Variants in FARS2 observed in about 807,000 individuals in gnomAD.
FARS2 encodes phenylalanyl-tRNA synthetase 2, mitochondrial, also known as phenylalanine--tRNA ligase, mitochondrial.
A neutral mutation model predicts 46.4 loss-of-function variants in FARS2; 40 were observed. The observed-to-expected ratio is 0.86, with a 90% CI of 0.67 to 1.12. The LOEUF (loss-of-function observed/expected upper bound fraction) is 1.12, where lower values mean the gene tolerates loss of function less well. FARS2 is among the 50% of genes most tolerant of loss of function. The probability of loss-of-function intolerance (pLI) is 0.00; values close to 1 mark genes in which losing one functional copy is unlikely to be tolerated. For missense variants in FARS2, 513 were observed against 567.9 expected (o/e 0.90, Z 0.98); for synonymous variants, 234 against 214.9 (o/e 1.09, Z -0.78).
intron 6 of FARS2, among the ~76,000 whole-genome samples, chr6:5,692,465 C>G (rs1015160334): frequency 2.0e-5 from 3 of 152,128 alleles, no homozygotes; most frequent in Admixed American, 6.5e-5. Flanking sequence ...CTTTCCCGTC[C>G]ATCAAAACAT....
chr6:5,415,011 G>A (rs528952198), intron 3 of FARS2, among the ~76,000 whole-genome samples: 1 of 151,676 alleles, frequency 6.6e-6, no homozygotes, highest in South Asian at 2.1e-4. Context: ...TAGAGACCGG[G>A]TTTCACCAAC....
chr6:5,614,344 A>G (rs79688585), intron 6 of FARS2, among the ~76,000 whole-genome samples: 5,228 of 151,328 alleles, frequency 0.035, 295 homozygotes, highest in African/African-American at 0.12. Flanking sequence ...TCATATCTAA[A>G]TTGTCAGGGC....
chr6:5,473,544 A>C (rs2038030), intron 4 of FARS2, among the ~76,000 whole-genome samples: 422 of 10,306 alleles, frequency 0.041, 4 homozygotes, highest in African/African-American at 0.085. Context: ...AAAAAAAAAA[A>C]CAAAAAAAAA....
intron 4 of FARS2, among the ~76,000 whole-genome samples, chr6:5,448,003 G>A (rs1764275461): frequency 6.6e-6 from 1 of 152,262 alleles, no homozygotes; most frequent in Admixed American, 6.5e-5. Flanking sequence ...ACAATAGGAA[G>A]GCAGGGCCTT....
intron 6 of FARS2, among the ~76,000 whole-genome samples, chr6:5,763,636 G>C (rs981606482): frequency 3.9e-5 from 6 of 152,084 alleles, no homozygotes; most frequent in Non-Finnish European, 7.4e-5. Context: ...GCTTGGGCTG[G>C]CACCCAGGCC....
intron 6 of FARS2, among the ~76,000 whole-genome samples, chr6:5,692,875 C>A (rs1006837848): frequency 6.6e-5 from 10 of 152,134 alleles, no homozygotes; most frequent in Non-Finnish European, 1.5e-4. Flanking sequence ...CCAAGCCCAC[C>A]AAGTTGCTGC....
At chr6:5,649,436 T>G (rs1159346734) in intron 6 of FARS2, among the ~76,000 whole-genome samples, 1 of 152,222 alleles carries the variant, frequency 6.6e-6, no homozygotes, top group Non-Finnish European at 1.5e-5. Context: ...GGGGCAACCC[T>G]GGAACCCTGA....
At chr6:5,758,265 T>A (rs1369502631) in intron 6 of FARS2, among the ~76,000 whole-genome samples, 1 of 152,182 alleles carries the variant, frequency 6.6e-6, no homozygotes, top group East Asian at 1.9e-4. Context: ...ATCTTGTTAC[T>A]TTATGGTTAT....
At chr6:5,503,373 AAC>A (rs72295741) in intron 4 of FARS2, among the ~76,000 whole-genome samples, 1,673 of 136,280 alleles carry the variant, frequency 0.012, 15 homozygotes, top group South Asian at 0.023. Context: ...AGGTATTCTT[AAC>A]ACACACACAC....
chr6:5,393,215 C>G (rs1243192709), intron 2 of FARS2, among the ~76,000 whole-genome samples: 1 of 151,970 alleles, frequency 6.6e-6, no homozygotes, highest in Non-Finnish European at 1.5e-5. Context: ...CAGGTAGACT[C>G]TCAGGATTAT....
chr6:5,761,339 A>G (rs1294365801), intron 6 of FARS2, among the ~76,000 whole-genome samples: 2 of 152,296 alleles, frequency 1.3e-5, no homozygotes, highest in Non-Finnish European at 2.9e-5. Context: ...TTCCCCTCAC[A>G]CTACCACTGT....
At chr6:5,304,166 T>G (rs115524926) in intron 1 of FARS2, among the ~76,000 whole-genome samples, 1,718 of 152,286 alleles carry the variant, frequency 0.011, 29 homozygotes, top group African/African-American at 0.039. Flanking sequence ...GCACCCACAT[T>G]TACCACCCTA....
chr6:5,277,859 C>T (rs181694577), intron 1 of FARS2, among the ~76,000 whole-genome samples: 115 of 152,220 alleles, frequency 7.6e-4, no homozygotes, highest in Non-Finnish European at 1.3e-3. Context: ...TCACTGCCCC[C>T]GACCCCTCAT....
chr6:5,257,860 C>CA (rs1442773972), upstream of FARS2, among the ~76,000 whole-genome samples: 1 of 152,048 alleles, frequency 6.6e-6, no homozygotes, highest in Non-Finnish European at 1.5e-5. Context: ...TAGCACTGGG[C>CA]AAAGCATGCT....
At chr6:5,568,516 TAG>T (rs1772450650) in intron 5 of FARS2, among the ~76,000 whole-genome samples, 1 of 152,084 alleles carries the variant, frequency 6.6e-6, no homozygotes, top group Non-Finnish European at 1.5e-5. Flanking sequence ...TTGATAAAGG[TAG>T]CTAGGCCTGA....
Position 5,460,600 on chromosome 6 carries a change from A to T in FARS2, c.904+29428A>T, listed in dbSNP as rs558799759. Reference sequence around the variant, plus strand: ...AGGGAGTCAGGAGGCCGCCTCTGTGACTATTCACTTCAAGAACATTCTGCT... The same window carrying T: ...AGGGAGTCAGGAGGCCGCCTCTGTGTCTATTCACTTCAAGAACATTCTGCT... On this transcript the variant is annotated intron_variant, in intron 4 of 6. Transcript: ENST00000274680. Among the ~76,000 whole-genome samples the T allele has an allele frequency of 2.0e-5, 3 of 152,204 alleles. No homozygotes were observed. The East Asian group carries it at 5.8e-4, about 30-fold the overall frequency.
intron 6 of FARS2, among the ~76,000 whole-genome samples, chr6:5,649,653 T>C (rs1777248032): frequency 6.6e-6 from 1 of 152,228 alleles, no homozygotes; most frequent in Non-Finnish European, 1.5e-5. Flanking sequence ...CTGCAGCTAT[T>C]ACCATTTTAT....
chr6:5,356,700 T>C (rs1757954426), intron 1 of FARS2, among the ~76,000 whole-genome samples: 1 of 151,810 alleles, frequency 6.6e-6, no homozygotes. Flanking sequence ...ATATACTGAT[T>C]ATTTGACAAA....
At position 5,614,411 on chromosome 6, in the gene FARS2, C is replaced by CTT. The variant is rs199992978; in HGVS notation, c.1217+1106_1217+1107dup. Among the ~76,000 whole-genome samples, 130 of 139,464 alleles carry CTT rather than the reference C, an allele frequency of 9.3e-4. 1 individual carries two copies. The highest frequency in any genetic ancestry group is 3.0e-3 in the African/African-American group (110 of 37,158). The allele number at this position is 139,464 out of a possible 152,430, so 91.5% of individuals were successfully genotyped here. On this transcript the variant is annotated intron_variant, in intron 6 of 6. Coordinates refer to ENST00000274680, the MANE Select transcript of FARS2 (RefSeq NM_006567.5). ...GACTCCCACCTGTTTCCTTCTTTGT[C>CTT]TTTTTTTTTTTTTTTTGAGACGGAG...
Sources: allele counts gnomAD v4.1 joint callset (sites outside exome capture counted in the v4.1 genomes callset), GRCh38; gene constraint gnomAD v4.1.1; transcripts MANE v1.5; gene names NCBI Gene and HGNC (gene_info 2026-07-23, HGNC 2026-07-21).